Variants in EFNA5 observed in about 807,000 individuals in gnomAD.
EFNA5 encodes the protein ephrin-A5.
Under a neutral mutation model 22.9 loss-of-function variants are expected in EFNA5, and 5 were observed. That is an observed-to-expected ratio of 0.22 (90% CI 0.11 to 0.46). The LOEUF is 0.46. Ranked by LOEUF, EFNA5 falls within the 20% of genes least tolerant of loss-of-function variation. EFNA5 has a pLI of 0.99. For synonymous variants in EFNA5, 113 were observed against 112.2 expected (o/e 1.01, Z -0.04); for missense variants, 237 against 293.3 (o/e 0.81, Z 1.40).
intron 2 of EFNA5, among the ~76,000 whole-genome samples, chr5:107,396,472 C>T (rs1747929618): frequency 6.6e-6 from 1 of 152,200 alleles, no homozygotes; most frequent in Non-Finnish European, 1.5e-5. Context: ...CAGCTCTGCG[C>T]TTACTGGGGC....
chr5:107,644,752 AGT>A (rs1750599962), intron 1 of EFNA5, among the ~76,000 whole-genome samples: 1 of 152,064 alleles, frequency 6.6e-6, no homozygotes, highest in Non-Finnish European at 1.5e-5. Context: ...CCCAGTTTGG[AGT>A]GCAATGGTGC....
intron 1 of EFNA5, among the ~76,000 whole-genome samples, chr5:107,493,437 G>A (rs1465475952): frequency 2.6e-5 from 4 of 151,970 alleles, no homozygotes; most frequent in African/African-American, 9.7e-5. Flanking sequence ...CTTTAGCTAG[G>A]CCCTACCAAT....
At chr5:107,427,631 A>C in intron 1 of EFNA5, 122 bp from the exon 2 acceptor site, 1 of 837,844 alleles carries the variant, frequency 1.2e-6, no homozygotes, top group Non-Finnish European at 1.7e-6. Flanking sequence ...GTTCTTACTG[A>C]ATGCCATTAT....
At chr5:107,450,053 C>T (rs1749516983) in intron 1 of EFNA5, among the ~76,000 whole-genome samples, 1 of 152,150 alleles carries the variant, frequency 6.6e-6, no homozygotes, top group South Asian at 2.1e-4. Context: ...CAAATCATCT[C>T]CTTGCAAACG....
intron 1 of EFNA5, among the ~76,000 whole-genome samples, chr5:107,467,893 C>T (rs1034528783): frequency 6.6e-6 from 1 of 152,130 alleles, no homozygotes; most frequent in Admixed American, 6.5e-5. Context: ...CAAACATAGG[C>T]TACATACATG....
intron 1 of EFNA5, among the ~76,000 whole-genome samples, chr5:107,566,657 A>G (rs2112481964): frequency 6.6e-6 from 1 of 152,276 alleles, no homozygotes; most frequent in East Asian, 1.9e-4. Flanking sequence ...GACATCACAC[A>G]CTTAAAAAAA....
chr5:107,574,350 G>A (rs968746290), intron 1 of EFNA5, among the ~76,000 whole-genome samples: 1 of 132,028 alleles, frequency 7.6e-6, no homozygotes, highest in Non-Finnish European at 1.6e-5. Flanking sequence ...ACAATACTAG[G>A]AGCCCTCCCT....
chr5:107,464,794 T>C (rs1288991092), intron 1 of EFNA5, among the ~76,000 whole-genome samples: 1 of 152,020 alleles, frequency 6.6e-6, no homozygotes, highest in Non-Finnish European at 1.5e-5. Flanking sequence ...ACCAAATCCA[T>C]AAGCAAAATT....
At chr5:107,502,930 C>T (rs966318833) in intron 1 of EFNA5, among the ~76,000 whole-genome samples, 11 of 152,226 alleles carry the variant, frequency 7.2e-5, no homozygotes. Context: ...CGCCAGTCAA[C>T]AGATGGTCTC....
At chr5:107,613,344 T>C (rs1375125132) in intron 1 of EFNA5, among the ~76,000 whole-genome samples, 1 of 152,118 alleles carries the variant, frequency 6.6e-6, no homozygotes, top group Non-Finnish European at 1.5e-5. Flanking sequence ...AAAGAAATGA[T>C]ATGTAAGTTA....
rs781011472 is a variant in EFNA5 at position 107,387,398 on chromosome 5, CT to C, written c.485-84del. ...CATTTCTTTCTTTTTTCTTTCTCTC[CT>C]TTTTTTCTTTTTTTATGTAGATTGT... is the stretch of plus-strand genomic sequence containing the variant. On this transcript the variant is annotated intron_variant, in intron 3 of 4. Coordinates refer to ENST00000333274, the MANE Select transcript of EFNA5 (RefSeq NM_001962.3). 381 of 873,804 alleles carry C rather than the reference CT, an allele frequency of 4.4e-4. 1 individual carries two copies. Among genetic ancestry groups the C allele is most frequent in the Non-Finnish European group, 5.9e-4 (338 of 574,252 alleles). 54.1% of individuals were successfully genotyped at this position (873,804 alleles called of 1,614,324 possible).
At chr5:107,629,827 A>C (rs1290469732) in intron 1 of EFNA5, among the ~76,000 whole-genome samples, 2 of 152,078 alleles carry the variant, frequency 1.3e-5, no homozygotes, top group African/African-American at 4.8e-5. Flanking sequence ...GAGGCTGAGA[A>C]GGGTGGATCA....
At chr5:107,608,164 T>C (rs1039255654) in intron 1 of EFNA5, among the ~76,000 whole-genome samples, 5 of 152,166 alleles carry the variant, frequency 3.3e-5, no homozygotes, top group African/African-American at 1.2e-4. Context: ...AATGTGTAAC[T>C]TCCCCTGAAG....
chr5:107,647,865 T>C (rs1359167650), intron 1 of EFNA5, among the ~76,000 whole-genome samples: 1 of 152,076 alleles, frequency 6.6e-6, no homozygotes, highest in East Asian at 1.9e-4. Flanking sequence ...TAGGAATAAT[T>C]TGACTAGAAA....
At chr5:107,537,344 T>A in intron 1 of EFNA5, among the ~76,000 whole-genome samples, 1 of 151,586 alleles carries the variant, frequency 6.6e-6, no homozygotes, top group African/African-American at 2.4e-5. Context: ...AAATACAAAA[T>A]TAGCCAGGTG....
At chr5:107,432,009 C>T (rs1748976048) in intron 1 of EFNA5, among the ~76,000 whole-genome samples, 1 of 152,210 alleles carries the variant, frequency 6.6e-6, no homozygotes, top group Non-Finnish European at 1.5e-5. Context: ...GGTTCCAAAG[C>T]TTCACCAGCT....
At chr5:107,434,163 T>C (rs927101714) in intron 1 of EFNA5, among the ~76,000 whole-genome samples, 1 of 152,232 alleles carries the variant, frequency 6.6e-6, no homozygotes, top group Admixed American at 6.5e-5. Context: ...CTGAAAAAGG[T>C]ACATCTACTA....
At chr5:107,620,506 G>A (rs1486372294) in intron 1 of EFNA5, among the ~76,000 whole-genome samples, 1 of 152,146 alleles carries the variant, frequency 6.6e-6, no homozygotes, top group Non-Finnish European at 1.5e-5. Flanking sequence ...ATTTTTTTCT[G>A]ACTTAATAAT....
rs550864550 is a variant in EFNA5, at chr5:107,583,787, C to T, written c.125+86702G>A. Among the ~76,000 whole-genome samples the T allele has an allele frequency of 1.7e-3, 252 of 152,262 alleles. 1 individual carries two copies. The highest frequency in any genetic ancestry group is 5.8e-3 in the African/African-American group (241 of 41,550). Reference sequence around the variant, plus strand: ...ATTAGACAGCTCTTACCCATTAGTTCGATCAATCTTTTATTTGATCATTTC... The same window carrying T: ...ATTAGACAGCTCTTACCCATTAGTTTGATCAATCTTTTATTTGATCATTTC... On this transcript the variant is annotated intron_variant, in intron 1 of 4. Transcript: ENST00000333274.
Sources: gnomAD v4.1 joint callset for allele counts (sites outside exome capture counted in the v4.1 genomes callset) on GRCh38, gnomAD v4.1.1 for gene constraint, MANE v1.5 for transcripts, NCBI Gene and HGNC (gene_info 2026-07-23, HGNC 2026-07-21) for gene names.